The following CTIF variants were observed in gnomAD, a reference collection of about 807,000 sequenced individuals.
CTIF encodes the protein cap binding complex dependent translation initiation factor.
In CTIF, 21 loss-of-function variants were observed where a neutral mutation model predicts 66.0. The observed-to-expected ratio is 0.32, with a 90% CI of 0.23 to 0.46. The LOEUF is 0.46. CTIF is among the 20% of genes least tolerant of loss of function. The probability of loss-of-function intolerance (pLI) is 1.00; values close to 1 mark genes in which losing one functional copy is unlikely to be tolerated. For missense variants in CTIF, 739 were observed against 812.7 expected, an observed-to-expected ratio of 0.91 and a Z score of 1.10; for synonymous variants, 345 against 326.4, an observed-to-expected ratio of 1.06 and a Z score of -0.62.
At chr18:48,830,600 G>T (rs1161975069) in intron 10 of CTIF, among the ~76,000 whole-genome samples, 1 of 152,158 alleles carries the variant, frequency 6.6e-6, no homozygotes, top group Non-Finnish European at 1.5e-5. Context: ...TGTATAAACT[G>T]AAGTGCTGCT....
intron 6 of CTIF, among the ~76,000 whole-genome samples, chr18:48,673,382 A>G (rs2091568321): frequency 6.6e-6 from 1 of 151,626 alleles, no homozygotes; most frequent in African/African-American, 2.4e-5. Context: ...GCAGAAATTC[A>G]GCATGAACCT....
intron 10 of CTIF, among the ~76,000 whole-genome samples, chr18:48,840,113 G>A (rs1327060463): frequency 6.6e-6 from 1 of 152,164 alleles, no homozygotes; most frequent in African/African-American, 2.4e-5. Context: ...CCTGGATGAG[G>A]CTCTTACCAT....
chr18:48,609,187 G>A (rs1362343823), intron 1 of CTIF, among the ~76,000 whole-genome samples: 1 of 152,194 alleles, frequency 6.6e-6, no homozygotes, highest in Non-Finnish European at 1.5e-5. Context: ...GAGCCAGACT[G>A]AGGCCCAAGG....
intron 7 of CTIF, among the ~76,000 whole-genome samples, chr18:48,757,161 C>T (rs575950912): frequency 6.6e-6 from 1 of 152,204 alleles, no homozygotes; most frequent in East Asian, 1.9e-4. Context: ...GTTATAAGGC[C>T]ATTAGTCAGT....
intron 10 of CTIF, among the ~76,000 whole-genome samples, chr18:48,827,358 G>A (rs2068602768): frequency 6.6e-6 from 1 of 152,200 alleles, no homozygotes; most frequent in South Asian, 2.1e-4. Flanking sequence ...GAGCCCACGG[G>A]TAACTCAGTG....
chr18:48,663,470 C>T (rs747279394), intron 3 of CTIF, among the ~76,000 whole-genome samples: 2 of 152,072 alleles, frequency 1.3e-5, no homozygotes, highest in Admixed American at 6.5e-5. Flanking sequence ...GGTACAGAGC[C>T]CTTGCTGGGT....
chr18:48,713,530 G>A (rs931488620), intron 7 of CTIF, among the ~76,000 whole-genome samples: 2 of 152,038 alleles, frequency 1.3e-5, no homozygotes, highest in African/African-American at 2.4e-5. Flanking sequence ...GCTGAGCTGC[G>A]CTCACATTCA....
At chr18:48,623,991 G>A (rs1407201639) in intron 2 of CTIF, among the ~76,000 whole-genome samples, 2 of 152,238 alleles carry the variant, frequency 1.3e-5, no homozygotes, top group South Asian at 2.1e-4. Flanking sequence ...CCAAGACAAT[G>A]TGTGTTTTAA....
intron 3 of CTIF, among the ~76,000 whole-genome samples, chr18:48,659,501 C>T (rs1018278165): frequency 6.6e-6 from 1 of 152,202 alleles, no homozygotes; most frequent in African/African-American, 2.4e-5. Flanking sequence ...TGGAGCTGCA[C>T]CCCCAGGGCT....
chr18:48,565,461 G>A (rs946133371), intron 1 of CTIF: 3 of 152,030 alleles, frequency 2.0e-5, no homozygotes, highest in African/African-American at 4.8e-5. Flanking sequence ...TATCATTTCC[G>A]TTTTACAAAG....
intron 7 of CTIF, among the ~76,000 whole-genome samples, chr18:48,715,517 C>G (rs768784797): frequency 6.6e-5 from 10 of 152,296 alleles, no homozygotes; most frequent in South Asian, 2.1e-4. Context: ...CTCGTTCCCC[C>G]CCTTTTCTCA....
chr18:48,720,832 G>A (rs887469507), intron 7 of CTIF, among the ~76,000 whole-genome samples: 2 of 152,172 alleles, frequency 1.3e-5, no homozygotes, highest in Non-Finnish European at 2.9e-5. Context: ...GGCAGAACAA[G>A]CTGCAGAGAG....
chr18:48,704,497 G>A (rs1178920842), intron 6 of CTIF, among the ~76,000 whole-genome samples: 1 of 152,120 alleles, frequency 6.6e-6, no homozygotes, highest in Non-Finnish European at 1.5e-5. Context: ...ACAAAGGACC[G>A]CAAACTGGGT....
intron 9 of CTIF, among the ~76,000 whole-genome samples, chr18:48,815,741 A>G (rs147709293): frequency 1.3e-5 from 2 of 152,186 alleles, no homozygotes; most frequent in Non-Finnish European, 2.9e-5. Context: ...AGGGCCTTCC[A>G]TCTCTGGAGA....
intron 1 of CTIF, among the ~76,000 whole-genome samples, chr18:48,581,223 T>G (rs775668137): frequency 2.2e-4 from 34 of 151,834 alleles, no homozygotes; most frequent in Admixed American, 6.5e-4. Flanking sequence ...TTTTGTTTTT[T>G]TTTGGGTTTT....
At chr18:48,587,220 T>A (rs1211819367) in intron 1 of CTIF, among the ~76,000 whole-genome samples, 2 of 151,950 alleles carry the variant, frequency 1.3e-5, no homozygotes, top group Non-Finnish European at 2.9e-5. Flanking sequence ...TAGCTGGAAC[T>A]ACAGGTGCGC....
At chr18:48,805,828 T>C (rs1234929359) in intron 9 of CTIF, among the ~76,000 whole-genome samples, 1 of 152,206 alleles carries the variant, frequency 6.6e-6, no homozygotes, top group Non-Finnish European at 1.5e-5. Context: ...CCCCTACCCT[T>C]TGGACAGGTT....
At chr18:48,850,214 G>A (rs1035150441) in intron 10 of CTIF, among the ~76,000 whole-genome samples, 1 of 152,136 alleles carries the variant, frequency 6.6e-6, no homozygotes, top group Non-Finnish European at 1.5e-5. Context: ...TTTTAAGACT[G>A]GGTGATATTC....
chr18:48,729,266 G>C (rs12963345), intron 7 of CTIF, among the ~76,000 whole-genome samples: 91,673 of 151,926 alleles, frequency 0.6, 29,269 homozygotes, highest in African/African-American at 0.8. Context: ...ACACACCCAC[G>C]TTCCCCCCAC....
Sources: allele counts gnomAD v4.1 joint callset (sites outside exome capture counted in the v4.1 genomes callset), GRCh38; gene constraint gnomAD v4.1.1; transcripts MANE v1.5; gene names NCBI Gene and HGNC (gene_info 2026-07-23, HGNC 2026-07-21).